The following INTS9 variants were observed in gnomAD, a reference collection of about 807,000 sequenced individuals.
INTS9 encodes the protein integrator complex subunit 9, also known as protein related to CPSF subunits of 74 kDa.
INTS9 carries 55 observed loss-of-function variants against 79.7 expected under a neutral mutation model. That is an observed-to-expected ratio of 0.69 (90% CI 0.56 to 0.86). The LOEUF (loss-of-function observed/expected upper bound fraction) is 0.86. INTS9 is among the 40% of genes least tolerant of loss of function. The pLI is 0.00. For synonymous variants in INTS9, 319 were observed against 325.2 expected (o/e 0.98, Z 0.20); for missense variants, 721 against 831.5 (o/e 0.87, Z 1.64).
At chr8:28,807,036 AT>A (rs1402996303) in intron 8 of INTS9, among the ~76,000 whole-genome samples, 1 of 152,204 alleles carries the variant, frequency 6.6e-6, no homozygotes, top group Non-Finnish European at 1.5e-5. Context: ...GCAAAAACTT[AT>A]TTTTTGAATA....
chr8:28,768,516 T>G (rs1056062468), intron 16 of INTS9, 194 bp from the exon 17 acceptor site: 1 of 607,144 alleles, frequency 1.6e-6, no homozygotes, highest in Non-Finnish European at 2.9e-6. Context: ...CAAAAGCTCA[T>G]GCAAAACAAC....
chr8:28,860,735 G>GCCTC (rs929390288), intron 1 of INTS9, among the ~76,000 whole-genome samples: 1 of 152,140 alleles, frequency 6.6e-6, no homozygotes, highest in Non-Finnish European at 1.5e-5. Flanking sequence ...CGCCTCCTTG[G>GCCTC]CCTCCCAAAG....
rs1052790961 is a variant in INTS9 at position 28,854,132 on chromosome 8, T to C, written c.138-3859A>G. 4.6e-5 allele frequency among the ~76,000 whole-genome samples: 7 copies of C among 152,212 alleles called. No homozygotes were observed. The East Asian group carries it at 1.3e-3, about 29-fold the overall frequency. ...AGACTCGAACTCCTGGGCTCAAGTC[T>C]CAGCCTTCCGAGCAGCTGGGACTAC... is the stretch of plus-strand genomic sequence containing the variant. On this transcript the variant is annotated intron_variant, in intron 2 of 16. Transcript: ENST00000521022.
At chr8:28,783,142 CAAAAAAAA>C (rs559306996) in intron 11 of INTS9, among the ~76,000 whole-genome samples, 4 of 111,692 alleles carry the variant, frequency 3.6e-5, no homozygotes, top group East Asian at 6.9e-4. Flanking sequence ...GACTCCGTCT[CAAAAAAAA>C]AAAAAAAAAA....
intron 6 of INTS9, among the ~76,000 whole-genome samples, chr8:28,827,865 T>C (rs149456749): frequency 1.3e-5 from 2 of 152,286 alleles, no homozygotes; most frequent in East Asian, 3.9e-4. Flanking sequence ...GTGTCCTGGA[T>C]AGAGAAGCCA....
intron 6 of INTS9, among the ~76,000 whole-genome samples, chr8:28,814,059 A>T (rs1046248976): frequency 4.0e-5 from 6 of 149,004 alleles, no homozygotes; most frequent in African/African-American, 1.5e-4. Flanking sequence ...GTGCTCAGCC[A>T]TTTCTTTTTT....
At chr8:28,842,153 G>C (rs1375277744) in intron 4 of INTS9, among the ~76,000 whole-genome samples, 1 of 152,122 alleles carries the variant, frequency 6.6e-6, no homozygotes, top group Non-Finnish European at 1.5e-5. Context: ...TATCCATTAA[G>C]TGGAAGTGAA....
intron 2 of INTS9, among the ~76,000 whole-genome samples, chr8:28,856,690 A>C (rs1031548472): frequency 2.0e-5 from 3 of 152,176 alleles, no homozygotes; most frequent in African/African-American, 7.2e-5. Context: ...TTGGACGGTT[A>C]TTGCAGCTCT....
intron 16 of INTS9, 124 bp downstream of exon 16, chr8:28,769,765 C>T: frequency 7.8e-7 from 1 of 1,282,678 alleles, no homozygotes; most frequent in Non-Finnish European, 1.1e-6. Flanking sequence ...CAAACAGATG[C>T]CACAGGACAG....
At chr8:28,799,524 C>T (rs1346489656) in intron 8 of INTS9, 12 of 152,156 alleles carry the variant, frequency 7.9e-5, no homozygotes, top group Admixed American at 5.2e-4. Context: ...AGACATTTCT[C>T]GTTGATTCCC....
chr8:28,849,921 A>G (rs1807734566), intron 3 of INTS9: 3 of 277,890 alleles, frequency 1.1e-5, no homozygotes, highest in Non-Finnish European at 1.3e-5. Context: ...ACTCATTGCA[A>G]TTCTAGAAAT....
chr8:28,870,573 T>C (rs746588872), intron 1 of INTS9, among the ~76,000 whole-genome samples: 82 of 152,220 alleles, frequency 5.4e-4, no homozygotes, highest in Non-Finnish European at 2.8e-4. Context: ...AGGAGTAAGC[T>C]AAGAATTTAT....
intron 6 of INTS9, among the ~76,000 whole-genome samples, chr8:28,822,545 G>A (rs943181293): frequency 6.6e-6 from 1 of 151,814 alleles, no homozygotes; most frequent in African/African-American, 2.4e-5. Context: ...GGCCTTAGTT[G>A]CCACTCCTGT....
chr8:28,802,061 A>G (rs1036550428), intron 8 of INTS9, among the ~76,000 whole-genome samples: 6 of 152,220 alleles, frequency 3.9e-5, no homozygotes, highest in Non-Finnish European at 8.8e-5. Context: ...TTCCAATCCC[A>G]TGGATAAGAA....
intron 5 of INTS9, among the ~76,000 whole-genome samples, chr8:28,837,205 T>C (rs1336584664): frequency 6.6e-6 from 1 of 152,204 alleles, no homozygotes; most frequent in African/African-American, 2.4e-5. Flanking sequence ...CTGTATTTTC[T>C]ACAAGCTGTC....
intron 9 of INTS9, 35 bp from the exon 10 acceptor site, chr8:28,794,022 A>T: frequency 6.8e-7 from 1 of 1,477,428 alleles, no homozygotes; most frequent in Non-Finnish European, 9.1e-7. Flanking sequence ...AAAAAACATC[A>T]TATCAAAAGG....
chr8:28,811,262 G>C (rs1764692423), intron 8 of INTS9, among the ~76,000 whole-genome samples: 1 of 151,778 alleles, frequency 6.6e-6, no homozygotes, highest in Admixed American at 6.6e-5. Flanking sequence ...CAAGTAGCTG[G>C]GATTATAGGT....
At chr8:28,855,265 G>C (rs769022489) in intron 2 of INTS9, among the ~76,000 whole-genome samples, 1 of 152,230 alleles carries the variant, frequency 6.6e-6, no homozygotes, top group Non-Finnish European at 1.5e-5. Context: ...AAGAACAAGA[G>C]GCAGAGTATA....
chr8:28,802,485 T>C (rs1804577429), intron 8 of INTS9, among the ~76,000 whole-genome samples: 1 of 152,170 alleles, frequency 6.6e-6, no homozygotes, highest in Non-Finnish European at 1.5e-5. Flanking sequence ...GTGTCTTAGC[T>C]TCAAGGCCAA....
Sources: allele counts gnomAD v4.1 joint callset (sites outside exome capture counted in the v4.1 genomes callset), GRCh38; gene constraint gnomAD v4.1.1; transcripts MANE v1.5; gene names NCBI Gene and HGNC (gene_info 2026-07-23, HGNC 2026-07-21).